Variants in HECTD2 observed in about 807,000 individuals in gnomAD.
HECTD2 encodes the protein probable E3 ubiquitin-protein ligase HECTD2.
A neutral mutation model predicts 103.2 loss-of-function variants in HECTD2; 35 were observed. That is an observed-to-expected ratio of 0.34 (90% CI 0.26 to 0.45). HECTD2 has a LOEUF of 0.45. HECTD2 is among the 20% of genes least tolerant of loss of function. The pLI, the probability that HECTD2 is intolerant of heterozygous loss-of-function variation, is 1.00. For synonymous variants in HECTD2, 281 were observed against 329.9 expected, an observed-to-expected ratio of 0.85 and a Z score of 1.61; for missense variants, 596 against 937.4, an observed-to-expected ratio of 0.64 and a Z score of 4.76.
intron 20 of HECTD2, among the ~76,000 whole-genome samples, chr10:91,509,994 T>C (rs1847357799): frequency 6.6e-6 from 1 of 151,966 alleles, no homozygotes; most frequent in Admixed American, 6.6e-5. Flanking sequence ...AAGAAGAGGA[T>C]AACAGGAGTC....
At chr10:91,468,376 G>A (rs570036637) in intron 5 of HECTD2, among the ~76,000 whole-genome samples, 31 of 152,028 alleles carry the variant, frequency 2.0e-4, no homozygotes, top group Non-Finnish European at 4.1e-4. Flanking sequence ...ACCCACAAAT[G>A]CATCAAAGAA....
intron 20 of HECTD2, among the ~76,000 whole-genome samples, chr10:91,508,323 G>C (rs1377361566): frequency 2.4e-3 from 343 of 145,786 alleles, no homozygotes; most frequent in African/African-American, 8.4e-3. Context: ...ACTACCATCA[G>C]AGTGAACAGG....
intron 1 of HECTD2, among the ~76,000 whole-genome samples, chr10:91,417,334 T>G (rs1267853884): frequency 6.6e-6 from 1 of 152,212 alleles, no homozygotes; most frequent in Non-Finnish European, 1.5e-5. Context: ...TGTGCCCTTT[T>G]TTTTTGCTTT....
intron 6 of HECTD2, among the ~76,000 whole-genome samples, chr10:91,479,974 T>C (rs1846035183): frequency 6.6e-6 from 1 of 152,136 alleles, no homozygotes; most frequent in African/African-American, 2.4e-5. Flanking sequence ...TTATTGCAGA[T>C]TTGCCTGATT....
intron 20 of HECTD2, among the ~76,000 whole-genome samples, chr10:91,506,127 TG>T (rs1272716107): frequency 1.3e-5 from 2 of 150,866 alleles, no homozygotes; most frequent in African/African-American, 2.4e-5. Context: ...CAAAGCAGTG[TG>T]TAGAGGGAAA....
intron 18 of HECTD2, 138 bp downstream of exon 18, chr10:91,499,288 CA>C (rs1452306290): frequency 1.8e-6 from 1 of 570,596 alleles, no homozygotes; most frequent in African/African-American, 1.9e-5. Context: ...GAACTAAAAA[CA>C]AAAATAGTTC....
intron 2 of HECTD2, among the ~76,000 whole-genome samples, chr10:91,438,732 A>G (rs558922119): frequency 6.6e-6 from 1 of 152,254 alleles, no homozygotes; most frequent in East Asian, 1.9e-4. Flanking sequence ...CATCCTCTCC[A>G]GCATTTGTTG....
intron 20 of HECTD2, among the ~76,000 whole-genome samples, chr10:91,501,789 TA>T (rs769298441): frequency 5.3e-5 from 8 of 151,928 alleles, no homozygotes; most frequent in Non-Finnish European, 1.2e-4. Flanking sequence ...TTTTTTTTTT[TA>T]ATCTCATGCT....
At chr10:91,457,601 A>G (rs1349898141) in intron 2 of HECTD2, among the ~76,000 whole-genome samples, 4 of 152,062 alleles carry the variant, frequency 2.6e-5, no homozygotes, top group Admixed American at 6.6e-5. Flanking sequence ...ACCTATTCAT[A>G]ATGAAAAAAA....
intron 2 of HECTD2, among the ~76,000 whole-genome samples, chr10:91,451,251 C>T (rs1222021528): frequency 6.6e-6 from 1 of 152,114 alleles, no homozygotes; most frequent in Non-Finnish European, 1.5e-5. Flanking sequence ...AAGCATTATT[C>T]TCAGCAAACT....
chr10:91,501,533 A>ATTCAT (rs1846898859), intron 20 of HECTD2, among the ~76,000 whole-genome samples, 199 bp downstream of exon 20: 1 of 152,136 alleles, frequency 6.6e-6, no homozygotes, highest in Non-Finnish European at 1.5e-5. Flanking sequence ...CTAACTAATA[A>ATTCAT]TTCATTTCTA....
intron 7 of HECTD2, 52 bp downstream of exon 7, chr10:91,481,191 A>G (rs376557393): frequency 2.6e-5 from 22 of 846,720 alleles, no homozygotes; most frequent in Non-Finnish European, 3.9e-5. Flanking sequence ...CTCAATCCCT[A>G]CATGTGTATG....
intron 20 of HECTD2, among the ~76,000 whole-genome samples, chr10:91,501,874 A>C (rs1456399155): frequency 2.6e-5 from 4 of 151,952 alleles, no homozygotes; most frequent in Non-Finnish European, 5.9e-5. Context: ...ATGCTTATCA[A>C]CTTACTCCTT....
At chr10:91,478,587 G>C (rs944711577) in intron 6 of HECTD2, among the ~76,000 whole-genome samples, 1 of 152,046 alleles carries the variant, frequency 6.6e-6, no homozygotes, top group African/African-American at 2.4e-5. Context: ...GAAATAATGA[G>C]CATTAAATTT....
At chr10:91,461,209 A>T (rs775705343) in intron 3 of HECTD2, 45 bp from the exon 4 acceptor site, 1 of 852,436 alleles carries the variant, frequency 1.2e-6, no homozygotes, top group Non-Finnish European at 1.8e-6. Context: ...GTTTATCTGA[A>T]TAATATTTCT....
At chr10:91,438,532 TA>T (rs1460695290) in intron 2 of HECTD2, among the ~76,000 whole-genome samples, 1 of 137,368 alleles carries the variant, frequency 7.3e-6, no homozygotes, top group Admixed American at 6.7e-5. Context: ...AACAGTGCTG[TA>T]ATAAACATGT....
At chr10:91,482,324 G>A (rs1327819636) in intron 7 of HECTD2, among the ~76,000 whole-genome samples, 1 of 151,768 alleles carries the variant, frequency 6.6e-6, no homozygotes, top group Non-Finnish European at 1.5e-5. Context: ...TGTACATTGT[G>A]CTAGAATTTT....
In HECTD2 at chr10:91,503,559, G is replaced by A. The variant is rs528625819; in HGVS notation, c.2210+2225G>A. 1.1e-3 allele frequency among the ~76,000 whole-genome samples: 174 copies of A among 152,248 alleles called. 1 individual carries two copies. The highest frequency in any genetic ancestry group is 4.1e-3 in the African/African-American group (171 of 41,558). The stretch of plus-strand genomic sequence containing the variant: ...CGGGTCACTCCCACCCGAATACTGC[G>A]CTTTTCCGACGGGCTTAAAAAACGG... On this transcript the variant is annotated intron_variant, in intron 20 of 20. Coordinates refer to ENST00000298068, the MANE Select transcript of HECTD2 (RefSeq NM_182765.6).
At chr10:91,460,809 G>T (rs1330204545) in intron 3 of HECTD2, among the ~76,000 whole-genome samples, 1 of 151,968 alleles carries the variant, frequency 6.6e-6, no homozygotes, top group Non-Finnish European at 1.5e-5. Flanking sequence ...GTCAAAACAG[G>T]CAAAAAGAGA....
Sources: allele counts gnomAD v4.1 joint callset (sites outside exome capture counted in the v4.1 genomes callset), GRCh38; gene constraint gnomAD v4.1.1; transcripts MANE v1.5; gene names NCBI Gene and HGNC (gene_info 2026-07-23, HGNC 2026-07-21).